LRCH1: variants seen among roughly 807,000 people sequenced by gnomAD.
The protein encoded by LRCH1 is leucine rich repeats and calponin homology domain containing 1.
In LRCH1, 23 loss-of-function variants were observed where a neutral mutation model predicts 94.9. The ratio of observed to expected loss-of-function variants is 0.24; its 90% CI spans 0.17 to 0.34. The LOEUF is 0.34. Ranked by LOEUF, LRCH1 falls within the 10% of genes least tolerant of loss-of-function variation. LRCH1 has a pLI of 1.00. For synonymous variants in LRCH1, 364 were observed against 354.9 expected (o/e 1.03, Z -0.29); for missense variants, 790 against 945.9 (o/e 0.84, Z 2.16).
At chr13:46,656,521 G>C (rs996608191) in intron 2 of LRCH1, among the ~76,000 whole-genome samples, 1 of 152,234 alleles carries the variant, frequency 6.6e-6, no homozygotes, top group African/African-American at 2.4e-5. Context: ...TTGGTAGCCA[G>C]GTTTTGTTTT....
chr13:46,595,962 C>T (rs79718468), intron 1 of LRCH1, among the ~76,000 whole-genome samples: 2,251 of 151,422 alleles, frequency 0.015, 63 homozygotes, highest in African/African-American at 0.051. Context: ...TTAAACACAT[C>T]GGTCATAACT....
At chr13:46,626,328 C>T (rs1228932507) in intron 1 of LRCH1, among the ~76,000 whole-genome samples, 2 of 152,112 alleles carry the variant, frequency 1.3e-5, no homozygotes, top group Admixed American at 6.5e-5. Context: ...GTGACTTAAA[C>T]GTATACATCC....
chr13:46,657,540 T>C (rs1032655348), intron 2 of LRCH1, among the ~76,000 whole-genome samples: 7 of 110,526 alleles, frequency 6.3e-5, no homozygotes, highest in African/African-American at 2.6e-4. Context: ...TTTTTTTTTT[T>C]TTGAGGCAGG....
intron 15 of LRCH1, among the ~76,000 whole-genome samples, chr13:46,715,261 T>C (rs1175427520): frequency 6.6e-6 from 1 of 152,226 alleles, no homozygotes; most frequent in Admixed American, 6.5e-5. Flanking sequence ...TCCTCTGACC[T>C]GATTCATTAG....
chr13:46,667,787 AGC>A (rs2051539241), intron 2 of LRCH1, among the ~76,000 whole-genome samples: 1 of 152,238 alleles, frequency 6.6e-6, no homozygotes, highest in Non-Finnish European at 1.5e-5. Context: ...TGATGATAAA[AGC>A]ACTTGTAGAA....
intron 1 of LRCH1, among the ~76,000 whole-genome samples, chr13:46,645,306 T>C (rs2051206794): frequency 6.6e-6 from 1 of 152,220 alleles, no homozygotes; most frequent in Non-Finnish European, 1.5e-5. Flanking sequence ...TTTTCCCAAG[T>C]TTGAAAACAG....
chr13:46,584,553 T>C (rs2050409284), intron 1 of LRCH1, among the ~76,000 whole-genome samples: 2 of 152,254 alleles, frequency 1.3e-5, no homozygotes, highest in Admixed American at 1.3e-4. Context: ...GATGTTGATG[T>C]TGCAAAGATG....
intron 1 of LRCH1, among the ~76,000 whole-genome samples, chr13:46,557,396 T>C (rs1231016788): frequency 6.6e-6 from 1 of 150,974 alleles, no homozygotes; most frequent in African/African-American, 2.4e-5. Flanking sequence ...AATTATCTTT[T>C]TGAGTTGGCT....
At chr13:46,596,778 G>A (rs1421802991) in intron 1 of LRCH1, among the ~76,000 whole-genome samples, 1 of 152,184 alleles carries the variant, frequency 6.6e-6, no homozygotes, top group Admixed American at 6.5e-5. Flanking sequence ...GGTAGATGCT[G>A]GTAGTCAACA....
intron 18 of LRCH1, chr13:46,750,397 G>A: frequency 3.4e-6 from 2 of 592,450 alleles, no homozygotes; most frequent in Non-Finnish European, 6.0e-6. Flanking sequence ...TAGGTTGAAA[G>A]CAAAGGAAGG....
intron 1 of LRCH1, among the ~76,000 whole-genome samples, chr13:46,593,372 A>G (rs2050523730): frequency 6.9e-6 from 1 of 144,950 alleles, no homozygotes; most frequent in Non-Finnish European, 1.5e-5. Context: ...TAACTGGGAC[A>G]TGCCATTCTT....
At chr13:46,596,002 T>G (rs1250236783) in intron 1 of LRCH1, among the ~76,000 whole-genome samples, 1 of 152,136 alleles carries the variant, frequency 6.6e-6, no homozygotes. Context: ...GTTTTTAGTT[T>G]TAAACAGGCA....
At chr13:46,685,755 C>T in intron 4 of LRCH1, 150 bp from the exon 5 acceptor site, 1 of 548,346 alleles carries the variant, frequency 1.8e-6, no homozygotes, top group East Asian at 3.1e-5. Context: ...TGTACACACA[C>T]CATGTATTCC....
chr13:46,587,841 C>A (rs954581709), intron 1 of LRCH1, among the ~76,000 whole-genome samples: 3 of 152,172 alleles, frequency 2.0e-5, no homozygotes, highest in African/African-American at 7.2e-5. Flanking sequence ...AGTGAAAATT[C>A]ATATAGCACT....
At chr13:46,645,661 T>G (rs1429513860) in intron 1 of LRCH1, among the ~76,000 whole-genome samples, 13 of 151,566 alleles carry the variant, frequency 8.6e-5, no homozygotes, top group Non-Finnish European at 1.9e-4. Flanking sequence ...ACATCTCAGG[T>G]GGTCGTAGAT....
chr13:46,720,838 T>C (rs759658568), intron 16 of LRCH1, among the ~76,000 whole-genome samples: 1 of 152,246 alleles, frequency 6.6e-6, no homozygotes, highest in South Asian at 2.1e-4. Context: ...AGATTTATTA[T>C]GAGCCTAAAG....
intron 1 of LRCH1, among the ~76,000 whole-genome samples, chr13:46,578,295 C>A (rs1257825786): frequency 6.6e-6 from 1 of 152,212 alleles, no homozygotes; most frequent in Non-Finnish European, 1.5e-5. Flanking sequence ...CACTGCCCAG[C>A]CTTAGAAGCT....
At chr13:46,600,618 T>TAC (rs3068695) in intron 1 of LRCH1, among the ~76,000 whole-genome samples, 4,902 of 143,228 alleles carry the variant, frequency 0.034, 231 homozygotes, top group African/African-American at 0.11. Context: ...TGACCAGATT[T>TAC]ACACACACAC....
At chr13:46,718,180 G>C (rs1245160651) in intron 16 of LRCH1, among the ~76,000 whole-genome samples, 1 of 152,124 alleles carries the variant, frequency 6.6e-6, no homozygotes, top group Non-Finnish European at 1.5e-5. Flanking sequence ...CATTTGCAGT[G>C]AATTTGTAGG....
Sources: gnomAD v4.1 joint callset for allele counts (sites outside exome capture counted in the v4.1 genomes callset) on GRCh38, gnomAD v4.1.1 for gene constraint, MANE v1.5 for transcripts, NCBI Gene and HGNC (gene_info 2026-07-23, HGNC 2026-07-21) for gene names.